Variants in NCKAP5 observed in about 807,000 individuals in gnomAD.
NCKAP5 encodes the protein nck-associated protein 5.
NCKAP5 carries 92 observed loss-of-function variants against 167.0 expected under a neutral mutation model. That is an observed-to-expected ratio of 0.55 (90% CI 0.47 to 0.66). NCKAP5 has a LOEUF of 0.66. Among genes scored for constraint, NCKAP5 ranks in the 30% least tolerant of loss-of-function variants. The pLI is 0.00. For synonymous variants in NCKAP5, 891 were observed against 877.4 expected, an observed-to-expected ratio of 1.02 and a Z score of -0.27; for missense variants, 2,378 against 2,315.0, an observed-to-expected ratio of 1.03 and a Z score of -0.56.
At chr2:133,438,408 T>C (rs1690630589) in intron 3 of NCKAP5, among the ~76,000 whole-genome samples, 1 of 152,232 alleles carries the variant, frequency 6.6e-6, no homozygotes, top group Admixed American at 6.5e-5. Flanking sequence ...AATTCTTTTA[T>C]GATTATACTT....
At chr2:133,244,865 TAAAAC>T (rs1294535670) in intron 4 of NCKAP5, among the ~76,000 whole-genome samples, 1 of 152,026 alleles carries the variant, frequency 6.6e-6, no homozygotes, top group African/African-American at 2.4e-5. Context: ...CTGTAAAAAA[TAAAAC>T]AAGAACATAA....
chr2:133,555,185 G>A (rs1367289570), intron 2 of NCKAP5, among the ~76,000 whole-genome samples: 3 of 152,146 alleles, frequency 2.0e-5, no homozygotes, highest in African/African-American at 7.2e-5. Flanking sequence ...ACCTGCTTTT[G>A]CATGCAAAAT....
chr2:133,398,356 A>C (rs2151013333), intron 3 of NCKAP5, among the ~76,000 whole-genome samples: 1 of 152,346 alleles, frequency 6.6e-6, no homozygotes, highest in South Asian at 2.1e-4. Context: ...TAGGTACAGC[A>C]AACCACCATG....
intron 4 of NCKAP5, among the ~76,000 whole-genome samples, chr2:133,286,654 A>G (rs1396206950): frequency 6.6e-6 from 1 of 152,212 alleles, no homozygotes; most frequent in Non-Finnish European, 1.5e-5. Flanking sequence ...CATAATAAAA[A>G]TATATTATGT....
intron 3 of NCKAP5, among the ~76,000 whole-genome samples, chr2:133,393,362 G>T (rs938948472): frequency 6.6e-6 from 1 of 152,166 alleles, no homozygotes; most frequent in Non-Finnish European, 1.5e-5. Context: ...TATCAAGTGT[G>T]CTTATATATG....
intron 3 of NCKAP5, among the ~76,000 whole-genome samples, chr2:133,365,109 AACAC>A (rs146816540): frequency 6.6e-6 from 1 of 151,152 alleles, no homozygotes; most frequent in Non-Finnish European, 1.5e-5. Flanking sequence ...CCTAGCTAGA[AACAC>A]ACACACACAC....
chr2:132,687,146 C>T (rs1558921090), intron 19 of NCKAP5, among the ~76,000 whole-genome samples: 1 of 152,132 alleles, frequency 6.6e-6, no homozygotes. Flanking sequence ...AAGAATACTG[C>T]AGGCCCTTAA....
intron 3 of NCKAP5, among the ~76,000 whole-genome samples, chr2:133,446,727 A>C (rs560207025): frequency 6.6e-6 from 1 of 152,322 alleles, no homozygotes; most frequent in Non-Finnish European, 1.5e-5. Flanking sequence ...AAAGCTTAGA[A>C]GAGTAACCAA....
rs1374886267 is a variant in NCKAP5, at chr2:132,984,841, C to T, written c.429+9311G>A. On this transcript the variant is annotated intron_variant, in intron 7 of 19. Coordinates refer to ENST00000409261, the MANE Select transcript of NCKAP5 (RefSeq NM_207363.3). ...GTCAAAGTTCAAGGACTGATATCAT[C>T]GTGATTTTGCTCTGTTCAAATTCAT... Among the ~76,000 whole-genome samples the T allele has an allele frequency of 4.6e-5, 7 of 150,984 alleles. No individual in the cohort carries two copies. In the Middle Eastern group the frequency reaches 0.01, roughly 222 times the overall value.
intron 8 of NCKAP5, among the ~76,000 whole-genome samples, chr2:132,901,430 G>C (rs1693621162): frequency 1.3e-5 from 2 of 152,184 alleles, no homozygotes; most frequent in Admixed American, 1.3e-4. Context: ...CCACTCCATA[G>C]AATTGGAATT....
chr2:133,397,079 A>G (rs1232156434), intron 3 of NCKAP5, among the ~76,000 whole-genome samples: 1 of 152,224 alleles, frequency 6.6e-6, no homozygotes, highest in Non-Finnish European at 1.5e-5. Context: ...ACTTTCTTCT[A>G]ATAAACCAAA....
At chr2:133,086,037 A>G (rs2080979053) in intron 6 of NCKAP5, among the ~76,000 whole-genome samples, 2 of 152,168 alleles carry the variant, frequency 1.3e-5, no homozygotes, top group Admixed American at 1.3e-4. Context: ...AGTAGTTTCT[A>G]GTTAAAGAAC....
chr2:132,767,009 T>C (rs1353121761), intron 16 of NCKAP5, among the ~76,000 whole-genome samples: 1 of 152,214 alleles, frequency 6.6e-6, no homozygotes, highest in Non-Finnish European at 1.5e-5. Context: ...TACATGATGC[T>C]CCAAACCTCC....
intron 16 of NCKAP5, among the ~76,000 whole-genome samples, chr2:132,748,214 T>TTGAC (rs1458280773): frequency 6.6e-6 from 1 of 152,200 alleles, no homozygotes; most frequent in Non-Finnish European, 1.5e-5. Flanking sequence ...GAGAGAGAAG[T>TTGAC]TGACTCTCTG....
At chr2:133,108,445 A>G (rs1238016633) in intron 6 of NCKAP5, among the ~76,000 whole-genome samples, 1 of 152,212 alleles carries the variant, frequency 6.6e-6, no homozygotes, top group East Asian at 1.9e-4. Context: ...AGTCACTCGC[A>G]CACTACAAGT....
intron 11 of NCKAP5, among the ~76,000 whole-genome samples, chr2:132,804,637 T>C (rs72847234): frequency 0.02 from 2,983 of 152,230 alleles, 55 homozygotes; most frequent in Non-Finnish European, 0.031. Flanking sequence ...TAGAATTCAA[T>C]GTACCACTTA....
At chr2:133,498,146 T>C (rs1475898754) in intron 3 of NCKAP5, among the ~76,000 whole-genome samples, 2 of 152,110 alleles carry the variant, frequency 1.3e-5, no homozygotes, top group African/African-American at 4.8e-5. Context: ...ATGCCCGACA[T>C]TTGTGGCTGT....
intron 6 of NCKAP5, chr2:133,116,991 T>A (rs148631521): frequency 3.9e-5 from 6 of 152,176 alleles, no homozygotes; most frequent in African/African-American, 1.2e-4. Context: ...TGAATAATGG[T>A]TAAGACCTAG....
chr2:132,860,715 T>G (rs1424357065), intron 10 of NCKAP5, 104 bp from the exon 11 acceptor site: 5 of 1,336,366 alleles, frequency 3.7e-6, no homozygotes, highest in Non-Finnish European at 5.0e-6. Context: ...AAAAACGGTA[T>G]TTTTATTCTT....
Sources: allele counts gnomAD v4.1 joint callset (sites outside exome capture counted in the v4.1 genomes callset), GRCh38; gene constraint gnomAD v4.1.1; transcripts MANE v1.5; gene names NCBI Gene and HGNC (gene_info 2026-07-23, HGNC 2026-07-21).